The following ABLIM1 variants were observed in gnomAD, a reference collection of about 807,000 sequenced individuals.
ABLIM1 encodes the protein actin-binding LIM protein 1.
ABLIM1 carries 40 observed loss-of-function variants against 107.0 expected under a neutral mutation model. That is an observed-to-expected ratio of 0.37 (90% CI 0.29 to 0.49). The LOEUF is 0.49. Among genes scored for constraint, ABLIM1 ranks in the 20% least tolerant of loss-of-function variants. The pLI is 0.97. For missense variants in ABLIM1, 857 were observed against 1,008.5 expected (o/e 0.85, Z 2.04); for synonymous variants, 357 against 357.3 (o/e 1.00, Z 0.01).
At chr10:114,495,619 G>A (rs1429622899) in intron 6 of ABLIM1, among the ~76,000 whole-genome samples, 4 of 152,176 alleles carry the variant, frequency 2.6e-5, no homozygotes, top group African/African-American at 4.8e-5. Flanking sequence ...TGGTGATGAC[G>A]GTGCTGCTGC....
intron 7 of ABLIM1, among the ~76,000 whole-genome samples, chr10:114,491,008 G>GTATATATATATA (rs1347498391): frequency 1.5e-4 from 13 of 86,496 alleles, no homozygotes; most frequent in African/African-American, 7.3e-4. Context: ...GTGTGTGTGT[G>GTATATATATATA]TGTGTATATA....
chr10:114,632,912 G>T (rs2078275885), intron 1 of ABLIM1, among the ~76,000 whole-genome samples: 1 of 152,240 alleles, frequency 6.6e-6, no homozygotes, highest in South Asian at 2.1e-4. Flanking sequence ...TTTGATTTCT[G>T]ACCCACAGGG....
rs1416554928 is a variant in ABLIM1 at position 114,526,886 on chromosome 10, T to C, written c.894+18119A>G. 4.1e-6 allele frequency: 4 copies of C among 985,388 alleles called. No homozygotes were observed. The East Asian group carries it at 3.4e-4, about 84-fold the overall frequency. 61.0% of individuals were successfully genotyped at this position (985,388 alleles called of 1,614,324 possible). A position where few individuals can be genotyped will look rare whatever the true frequency, so the allele number is the denominator to read the frequency against. On this transcript the variant is annotated intron_variant, in intron 6 of 22. Coordinates refer to ENST00000533213, the MANE Select transcript of ABLIM1 (RefSeq NM_002313.7). ...AGACGCACTCCGGAAACCAGCCCCG[T>C]GTGCGGCGGGCAGGCACGCTCTCTC...
chr10:114,451,543 G>T, intron 14 of ABLIM1, 81 bp downstream of exon 14: 1 of 1,335,320 alleles, frequency 7.5e-7, no homozygotes, highest in Non-Finnish European at 1.1e-6. Context: ...GCAGCAGCAG[G>T]AAAAGCCTTT....
chr10:114,571,598 A>G (rs114661025), intron 3 of ABLIM1, among the ~76,000 whole-genome samples, 192 bp from the exon 4 acceptor site: 1 of 152,160 alleles, frequency 6.6e-6, no homozygotes, highest in Admixed American at 6.5e-5. Context: ...TCATTTTGAG[A>G]AGAAAGGGGA....
chr10:114,686,571 G>A (rs141322355), upstream of ABLIM1, among the ~76,000 whole-genome samples: 5 of 151,378 alleles, frequency 3.3e-5, no homozygotes, highest in African/African-American at 9.7e-5. Context: ...TGTTTAAAAT[G>A]CACAATTTTC....
At chr10:114,596,869 G>C (rs1008589454) in intron 2 of ABLIM1, among the ~76,000 whole-genome samples, 4 of 152,026 alleles carry the variant, frequency 2.6e-5, no homozygotes, top group Non-Finnish European at 5.9e-5. Flanking sequence ...TCTTTCTAGG[G>C]GAAATCAACC....
chr10:114,443,970 T>G (rs1589718818), intron 17 of ABLIM1, 59 bp downstream of exon 17: 1 of 1,374,706 alleles, frequency 7.3e-7, no homozygotes. Context: ...TCAAGGCAGG[T>G]GCCTTACAAG....
chr10:114,648,585 A>C (rs1168558813), intron 1 of ABLIM1, among the ~76,000 whole-genome samples: 2 of 152,216 alleles, frequency 1.3e-5, no homozygotes, highest in African/African-American at 4.8e-5. Flanking sequence ...GCTGATAAAA[A>C]TGCTCTGGAA....
At chr10:114,738,075 G>T (rs2082217001) in intron 1 of ABLIM1, among the ~76,000 whole-genome samples, 1 of 152,012 alleles carries the variant, frequency 6.6e-6, no homozygotes, top group African/African-American at 2.4e-5. Context: ...TTTTAACAGG[G>T]CCTCACTCTG....
At chr10:114,461,911 C>T (rs1460280540) in intron 12 of ABLIM1, among the ~76,000 whole-genome samples, 1 of 152,108 alleles carries the variant, frequency 6.6e-6, no homozygotes, top group African/African-American at 2.4e-5. Flanking sequence ...TTGCTAATGG[C>T]AAATGGCACG....
At chr10:114,459,153 G>A (rs1355212160) in intron 12 of ABLIM1, among the ~76,000 whole-genome samples, 1 of 152,244 alleles carries the variant, frequency 6.6e-6, no homozygotes, top group Non-Finnish European at 1.5e-5. Context: ...GGAAGGCTGG[G>A]CTTCTGGCTG....
chr10:114,594,354 ACT>A (rs1343956544), intron 2 of ABLIM1, among the ~76,000 whole-genome samples: 4 of 152,098 alleles, frequency 2.6e-5, no homozygotes, highest in African/African-American at 9.7e-5. Context: ...CTTTACTTGC[ACT>A]CTTTCTTTTC....
chr10:114,735,826 A>T (rs1357967722), intron 1 of ABLIM1, among the ~76,000 whole-genome samples: 1 of 152,188 alleles, frequency 6.6e-6, no homozygotes, highest in Non-Finnish European at 1.5e-5. Context: ...GGTCAAGTCA[A>T]AGTTATATTT....
At chr10:114,608,969 C>T (rs2076624859) in intron 1 of ABLIM1, among the ~76,000 whole-genome samples, 2 of 151,592 alleles carry the variant, frequency 1.3e-5, no homozygotes, top group African/African-American at 2.4e-5. Context: ...GAGCCGAGAT[C>T]GTGCCACTGT....
intron 15 of ABLIM1, among the ~76,000 whole-genome samples, chr10:114,446,207 ACT>A (rs1452522153): frequency 6.6e-6 from 1 of 151,970 alleles, no homozygotes; most frequent in African/African-American, 2.4e-5. Context: ...TAATACTATC[ACT>A]CTGTCTTCTA....
At chr10:114,436,473 A>C in intron 22 of ABLIM1, 100 bp from the exon 23 acceptor site, 1 of 889,348 alleles carries the variant, frequency 1.1e-6, no homozygotes, top group Non-Finnish European at 1.7e-6. Flanking sequence ...CATTCTGAAG[A>C]ACAAGGCAGG....
At chr10:114,493,638 C>T (rs950240986) in intron 6 of ABLIM1, among the ~76,000 whole-genome samples, 1 of 152,006 alleles carries the variant, frequency 6.6e-6, no homozygotes, top group African/African-American at 2.4e-5. Flanking sequence ...TTCCTATTCA[C>T]TAGCAATAAA....
intron 1 of ABLIM1, among the ~76,000 whole-genome samples, chr10:114,726,624 T>C (rs542463465): frequency 1.3e-5 from 2 of 151,940 alleles, no homozygotes; most frequent in African/African-American, 4.8e-5. Context: ...CCACTAAAAA[T>C]ACAAAAAATT....
Sources: gnomAD v4.1 joint callset for allele counts (sites outside exome capture counted in the v4.1 genomes callset) on GRCh38, gnomAD v4.1.1 for gene constraint, MANE v1.5 for transcripts, NCBI Gene and HGNC (gene_info 2026-07-23, HGNC 2026-07-21) for gene names.